Variants in PDE11A observed in about 807,000 individuals in gnomAD.
PDE11A encodes phosphodiesterase 11A.
A neutral mutation model predicts 100.5 loss-of-function variants in PDE11A; 100 were observed. The observed-to-expected ratio is 1.00, with a 90% CI of 0.85 to 1.18. The LOEUF (loss-of-function observed/expected upper bound fraction) is 1.18, where lower values mean the gene tolerates loss of function less well. Ranked by LOEUF, PDE11A falls within the 50% of genes most tolerant of loss-of-function variation. The probability of loss-of-function intolerance (pLI) is 0.00; values close to 1 mark genes in which losing one functional copy is unlikely to be tolerated. For synonymous variants in PDE11A, 381 were observed against 420.8 expected, an observed-to-expected ratio of 0.91 and a Z score of 1.16; for missense variants, 1,141 against 1,152.6, an observed-to-expected ratio of 0.99 and a Z score of 0.15.
At chr2:177,797,914 C>T in intron 9 of PDE11A, among the ~76,000 whole-genome samples, 1 of 152,162 alleles carries the variant, frequency 6.6e-6, no homozygotes, top group Non-Finnish European at 1.5e-5. Flanking sequence ...AATCATGTTC[C>T]TCTCCTGCTG....
chr2:177,659,818 G>A (rs995722558), intron 19 of PDE11A, among the ~76,000 whole-genome samples: 20 of 151,954 alleles, frequency 1.3e-4, no homozygotes, highest in Admixed American at 3.3e-4. Flanking sequence ...TGAGCAGCAG[G>A]GCTAATGGAT....
Position 177,774,796 on chromosome 2 carries a change from T to C in PDE11A, c.1738-5423A>G, listed in dbSNP as rs76916864. On this transcript the variant is annotated intron_variant, in intron 9 of 19. Coordinates refer to ENST00000286063, the MANE Select transcript of PDE11A (RefSeq NM_016953.4). ...AACATGAAGATTTTCCCATATGTGA[T>C]AGACAGAATAATGCTCCCCCACAAG... is the stretch of plus-strand genomic sequence containing the variant. 3.3e-3 allele frequency among the ~76,000 whole-genome samples: 501 copies of C among 152,290 alleles called. 5 individuals carry two copies. In the East Asian group the frequency reaches 0.046, roughly 14 times the overall value.
chr2:177,849,829 G>T (rs1255959971), intron 5 of PDE11A, among the ~76,000 whole-genome samples: 1 of 151,470 alleles, frequency 6.6e-6, no homozygotes, highest in Non-Finnish European at 1.5e-5. Context: ...AACTTACAAG[G>T]AATGTGAAGG....
At chr2:177,910,438 A>C (rs981206187) in intron 2 of PDE11A, among the ~76,000 whole-genome samples, 13 of 151,074 alleles carry the variant, frequency 8.6e-5, no homozygotes, top group African/African-American at 3.2e-4. Flanking sequence ...CTATATATAT[A>C]TATATATACA....
Position 177,877,548 on chromosome 2 carries a change from G to A in PDE11A, c.1303-1625C>T, listed in dbSNP as rs75503426. On this transcript the variant is annotated intron_variant, in intron 4 of 19. Coordinates refer to ENST00000286063, the MANE Select transcript of PDE11A (RefSeq NM_016953.4). Reference sequence around the variant, plus strand: ...AAGAACAGATGGAAAGTCTGTCTGGGCATGGGGACATTCCTCAGTCTTCCT... The same window carrying A: ...AAGAACAGATGGAAAGTCTGTCTGGACATGGGGACATTCCTCAGTCTTCCT... Among the ~76,000 whole-genome samples the A allele has an allele frequency of 9.7e-3, 1,479 of 152,126 alleles. 22 individuals carry two copies. Among genetic ancestry groups the A allele is most frequent in the African/African-American group, 0.034 (1,404 of 41,524 alleles).
intron 13 of PDE11A, among the ~76,000 whole-genome samples, chr2:177,707,222 A>G (rs1411651472): frequency 1.3e-5 from 2 of 152,198 alleles, no homozygotes; most frequent in Admixed American, 6.5e-5. Context: ...TGTAAAATGG[A>G]GACAAGAATA....
chr2:177,864,988 C>G (rs2084003896), intron 5 of PDE11A, among the ~76,000 whole-genome samples: 1 of 152,092 alleles, frequency 6.6e-6, no homozygotes, highest in East Asian at 1.9e-4. Flanking sequence ...TCATTAAAAA[C>G]AAACAAATCG....
intron 2 of PDE11A, among the ~76,000 whole-genome samples, chr2:177,965,276 G>A (rs954081683): frequency 2.0e-5 from 3 of 152,164 alleles, no homozygotes; most frequent in African/African-American, 7.2e-5. Flanking sequence ...TTAGGCCTTT[G>A]TCAGATGCAT....
chr2:178,093,763 C>T (rs1415332802), intron 2 of PDE11A, among the ~76,000 whole-genome samples: 1 of 152,118 alleles, frequency 6.6e-6, no homozygotes, highest in African/African-American at 2.4e-5. Context: ...TATCAGCTGG[C>T]CATGAAAGTC....
chr2:177,726,256 A>AAG (rs1182383500), intron 12 of PDE11A, among the ~76,000 whole-genome samples: 1 of 152,088 alleles, frequency 6.6e-6, no homozygotes, highest in African/African-American at 2.4e-5. Flanking sequence ...TGAGGACCCA[A>AAG]AGCACAAGTC....
intron 10 of PDE11A, among the ~76,000 whole-genome samples, chr2:177,741,945 T>C (rs1433323879): frequency 1.3e-5 from 2 of 151,914 alleles, no homozygotes; most frequent in African/African-American, 4.8e-5. Context: ...GGTGGGAGGA[T>C]TGCTTGAGCC....
intron 5 of PDE11A, among the ~76,000 whole-genome samples, chr2:177,869,144 T>C (rs1436838197): frequency 6.6e-6 from 1 of 152,204 alleles, no homozygotes; most frequent in African/African-American, 2.4e-5. Flanking sequence ...CACACTAAAA[T>C]TGCATTCATT....
At chr2:178,028,452 A>G (rs1371086101) in intron 1 of PDE11A, among the ~76,000 whole-genome samples, 1 of 152,202 alleles carries the variant, frequency 6.6e-6, no homozygotes, top group East Asian at 1.9e-4. Context: ...AATCTGGATA[A>G]ATACAAGCGT....
intron 2 of PDE11A, among the ~76,000 whole-genome samples, chr2:177,988,008 C>T (rs369451180): frequency 5.7e-4 from 87 of 152,270 alleles, no homozygotes; most frequent in African/African-American, 1.9e-3. Flanking sequence ...TGTGAGAAGT[C>T]ACTGAGTACC....
intron 3 of PDE11A, among the ~76,000 whole-genome samples, chr2:177,902,144 A>C (rs1204732189): frequency 1.3e-5 from 2 of 152,198 alleles, no homozygotes; most frequent in African/African-American, 2.4e-5. Flanking sequence ...AAGCAACTGA[A>C]GATCCACAAA....
chr2:177,942,393 A>AT (rs1419540797), intron 2 of PDE11A, among the ~76,000 whole-genome samples: 4 of 125,154 alleles, frequency 3.2e-5, no homozygotes, highest in Non-Finnish European at 4.9e-5. Flanking sequence ...TGAAACCATT[A>AT]TTTTTTAAAA....
intron 3 of PDE11A, among the ~76,000 whole-genome samples, chr2:177,898,922 T>C (rs769618275): frequency 6.6e-6 from 1 of 152,230 alleles, no homozygotes; most frequent in Non-Finnish European, 1.5e-5. Context: ...CTTTTAACTT[T>C]GGAACATTTA....
chr2:177,826,855 A>G (rs757301319), intron 6 of PDE11A, among the ~76,000 whole-genome samples: 2 of 152,262 alleles, frequency 1.3e-5, no homozygotes, highest in Non-Finnish European at 1.5e-5. Context: ...AAAGGTTCTC[A>G]AACTGGTTCA....
intron 2 of PDE11A, among the ~76,000 whole-genome samples, chr2:178,003,312 A>C (rs1263541184): frequency 6.6e-6 from 1 of 152,122 alleles, no homozygotes; most frequent in Non-Finnish European, 1.5e-5. Flanking sequence ...ATATCCATCA[A>C]CTGATGGATG....
Sources: gnomAD v4.1 joint callset for allele counts (sites outside exome capture counted in the v4.1 genomes callset) on GRCh38, gnomAD v4.1.1 for gene constraint, MANE v1.5 for transcripts, NCBI Gene and HGNC (gene_info 2026-07-23, HGNC 2026-07-21) for gene names.